UPB1: variants seen among roughly 807,000 people sequenced by gnomAD.
UPB1 encodes the protein beta-ureidopropionase 1.
In UPB1, 40 loss-of-function variants were observed where a neutral mutation model predicts 49.1. That is an observed-to-expected ratio of 0.81 (90% CI 0.63 to 1.06). The LOEUF (loss-of-function observed/expected upper bound fraction) is 1.06, where lower values mean the gene tolerates loss of function less well. UPB1 is among the 50% of genes least tolerant of loss of function. UPB1 has a pLI of 0.00. For synonymous variants in UPB1, 207 were observed against 198.2 expected, an observed-to-expected ratio of 1.04 and a Z score of -0.38; for missense variants, 499 against 505.9, an observed-to-expected ratio of 0.99 and a Z score of 0.13.
At chr22:24,501,493 G>A (rs1344229450) in intron 2 of UPB1, among the ~76,000 whole-genome samples, 7 of 152,194 alleles carry the variant, frequency 4.6e-5, no homozygotes, top group Admixed American at 1.3e-4. Flanking sequence ...AATGGCTCCC[G>A]AAGGCCAGGG....
intron 3 of UPB1, among the ~76,000 whole-genome samples, chr22:24,507,927 C>T (rs183528787): frequency 6.6e-6 from 1 of 152,212 alleles, no homozygotes; most frequent in Admixed American, 6.5e-5. Flanking sequence ...GGGCCCTATG[C>T]AAATCAGACC....
intron 6 of UPB1, among the ~76,000 whole-genome samples, chr22:24,516,080 G>A (rs1308302029): frequency 1.3e-5 from 2 of 152,260 alleles, no homozygotes; most frequent in Non-Finnish European, 2.9e-5. Context: ...ATGGGGAACT[G>A]TGGATTCCTA....
At chr22:24,505,575 T>C (rs1276681418) in intron 3 of UPB1, among the ~76,000 whole-genome samples, 1 of 152,246 alleles carries the variant, frequency 6.6e-6, no homozygotes, top group Non-Finnish European at 1.5e-5. Flanking sequence ...TCATCTGCCC[T>C]GCTCCAAAGC....
chr22:24,525,868 C>T lies in UPB1; in HGVS notation c.*74C>T. The T allele has an allele frequency of 1.3e-6, 2 of 1,569,630 alleles. No individual in the cohort carries two copies. Among genetic ancestry groups the T allele is most frequent in the Middle Eastern group, 1.8e-4 (1 of 5,542 alleles). ...GGATTAGCAAGTGTGGCAGGCTTAA[C>T]ATGTCCAGGTTCTCCCCAATAACAT... On this transcript the variant is annotated 3_prime_UTR_variant, in exon 10 of 10. Transcript: ENST00000326010.
chr22:24,510,628 G>T, intron 3 of UPB1, 121 bp from the exon 4 acceptor site: 1 of 1,073,862 alleles, frequency 9.3e-7, no homozygotes. Flanking sequence ...GGACCCAGAA[G>T]CCAGGCCATG....
intron 7 of UPB1, among the ~76,000 whole-genome samples, chr22:24,521,201 G>GAAAAAATT (rs1568995772): frequency 7.3e-6 from 1 of 137,410 alleles, no homozygotes. Flanking sequence ...AAAAAAAAAG[G>GAAAAAATT]CCAGGTGCGG....
At chr22:24,517,476 A>T (rs538878562) in intron 6 of UPB1, among the ~76,000 whole-genome samples, 1 of 152,332 alleles carries the variant, frequency 6.6e-6, no homozygotes, top group South Asian at 2.1e-4. Context: ...TCCCTAGAGG[A>T]ACCCGAAGCA....
At chr22:24,514,420 C>T (rs1380052014) in intron 5 of UPB1, among the ~76,000 whole-genome samples, 6 of 152,176 alleles carry the variant, frequency 3.9e-5, no homozygotes, top group African/African-American at 1.2e-4. Context: ...GGATCTGCTC[C>T]GGTGTTCACC....
rs528992435 is a variant in UPB1, at chr22:24,510,251, T to A, written c.365-498T>A. ...TCCATCTCAAAAAAAAAAAAAAAAA[T>A]TTGACTACTCTAAATACCTCCTATG... On this transcript the variant is annotated intron_variant, in intron 3 of 9. Transcript: ENST00000326010. 1.1e-4 allele frequency among the ~76,000 whole-genome samples: 17 copies of A among 150,014 alleles called. No individual in the cohort carries two copies. The South Asian group carries it at 1.3e-3, about 11-fold the overall frequency.
chr22:24,497,631 AG>A (rs2043916746), intron 1 of UPB1, among the ~76,000 whole-genome samples: 1 of 152,086 alleles, frequency 6.6e-6, no homozygotes, highest in Admixed American at 6.5e-5. Flanking sequence ...TAGCAGGGTG[AG>A]GGGTAGAGGG....
chr22:24,510,955 G>A, intron 4 of UPB1, 112 bp downstream of exon 4: 1 of 1,095,350 alleles, frequency 9.1e-7, no homozygotes, highest in Non-Finnish European at 1.4e-6. Flanking sequence ...CCCATTTGGT[G>A]CTTGTTTTGC....
chr22:24,502,006 C>T (rs1207258843), intron 2 of UPB1, 120 bp from the exon 3 acceptor site: 9 of 985,070 alleles, frequency 9.1e-6, no homozygotes, highest in African/African-American at 1.6e-5. Context: ...AGAACCTCCC[C>T]ACCCTACTCC....
chr22:24,512,438 C>T (rs1348682995), intron 4 of UPB1, among the ~76,000 whole-genome samples: 7 of 152,168 alleles, frequency 4.6e-5, no homozygotes, highest in Admixed American at 4.6e-4. Context: ...CTGTGGTCAC[C>T]AGGGACTGAT....
chr22:24,497,497 C>T (rs895640683), intron 1 of UPB1, among the ~76,000 whole-genome samples: 4 of 152,178 alleles, frequency 2.6e-5, no homozygotes, highest in South Asian at 2.1e-4. Flanking sequence ...TGTCCTCTGG[C>T]AAGGTCTGCC....
intron 8 of UPB1, among the ~76,000 whole-genome samples, chr22:24,522,845 G>A (rs2044419356): frequency 6.6e-6 from 1 of 151,062 alleles, no homozygotes; most frequent in Admixed American, 6.6e-5. Flanking sequence ...TCAGGAGGCT[G>A]AGGCAGGAGA....
chr22:24,512,493 T>A (rs2044223628), intron 4 of UPB1, among the ~76,000 whole-genome samples: 2 of 152,222 alleles, frequency 1.3e-5, no homozygotes, highest in Non-Finnish European at 2.9e-5. Flanking sequence ...AGAAATTTAT[T>A]TTTGGCATAG....
chr22:24,502,539 ACTT>A (rs772136319), intron 3 of UPB1: 70 of 779,336 alleles, frequency 9.0e-5, no homozygotes, highest in Admixed American at 8.8e-4. Context: ...CCTGACCAGG[ACTT>A]CTTTACCTTC....
At chr22:24,498,681 TGAG>T (rs1177011682) in intron 1 of UPB1, among the ~76,000 whole-genome samples, 2 of 152,140 alleles carry the variant, frequency 1.3e-5, no homozygotes, top group African/African-American at 2.4e-5. Flanking sequence ...GGTGGGAAGA[TGAG>T]GAGAGAGACT....
intron 1 of UPB1, among the ~76,000 whole-genome samples, chr22:24,498,778 TGA>T (rs945934488): frequency 2.0e-5 from 3 of 152,134 alleles, no homozygotes; most frequent in African/African-American, 7.2e-5. Flanking sequence ...GACCACAGGC[TGA>T]GAGGCCAGGC....
Sources: gnomAD v4.1 joint callset for allele counts (sites outside exome capture counted in the v4.1 genomes callset) on GRCh38, gnomAD v4.1.1 for gene constraint, MANE v1.5 for transcripts, NCBI Gene and HGNC (gene_info 2026-07-23, HGNC 2026-07-21) for gene names.